The following LOXHD1 variants were observed in gnomAD, a reference collection of about 807,000 sequenced individuals.
LOXHD1 encodes lipoxygenase homology PLAT domains 1.
Under a neutral mutation model 248.2 loss-of-function variants are expected in LOXHD1, and 205 were observed. That is an observed-to-expected ratio of 0.83 (90% confidence interval 0.74 to 0.93). LOXHD1 has a LOEUF of 0.93. Among genes scored for constraint, LOXHD1 ranks in the 40% least tolerant of loss-of-function variants. LOXHD1 has a pLI of 0.00. For missense variants in LOXHD1, 2,930 were observed against 2,971.6 expected, an observed-to-expected ratio of 0.99 and a Z score of 0.33; for synonymous variants, 1,113 against 1,162.8, an observed-to-expected ratio of 0.96 and a Z score of 0.87.
chr18:46,588,620 T>C (rs1231227999), intron 12 of LOXHD1, among the ~76,000 whole-genome samples: 2 of 152,176 alleles, frequency 1.3e-5, no homozygotes, highest in Non-Finnish European at 2.9e-5. Flanking sequence ...GCAAAATTTG[T>C]CCCAACTTTC....
chr18:46,550,634 C>T lies in LOXHD1; in HGVS notation c.3351-3576G>A, dbSNP rs193260017. ...CGTGTGATCTGTCAAATCAGTTTTCCACTATAAGGACGATCACAGAAGCAT... is the reference window on the plus strand; with the variant it reads ...CGTGTGATCTGTCAAATCAGTTTTCTACTATAAGGACGATCACAGAAGCAT... On this transcript the variant is annotated intron_variant, in intron 21 of 40. Transcript: ENST00000642948. Among the ~76,000 whole-genome samples the T allele has an allele frequency of 3.4e-4, 50 of 146,750 alleles. 1 individual carries two copies. The highest frequency in any genetic ancestry group is 1.3e-3 in the South Asian group (6 of 4,446).
intron 18 of LOXHD1, among the ~76,000 whole-genome samples, chr18:46,562,322 A>G (rs984421952): frequency 6.6e-6 from 1 of 152,220 alleles, no homozygotes; most frequent in Non-Finnish European, 1.5e-5. Context: ...TGGCATGCAG[A>G]AACACAAGGC....
At chr18:46,590,422 C>T (rs328150) in intron 12 of LOXHD1, among the ~76,000 whole-genome samples, 120,784 of 152,032 alleles carry the variant, frequency 0.79, 48,513 homozygotes, top group Non-Finnish European at 0.86. Context: ...AATCTAAAAT[C>T]GTGAGAGTTA....
At chr18:46,515,458 C>A (rs930933001) in intron 34 of LOXHD1, among the ~76,000 whole-genome samples, 3 of 151,686 alleles carry the variant, frequency 2.0e-5, no homozygotes, top group African/African-American at 4.9e-5. Flanking sequence ...CAAAATAAAT[C>A]TTTATTCAGA....
intron 12 of LOXHD1, among the ~76,000 whole-genome samples, chr18:46,581,175 C>T (rs1314497499): frequency 1.3e-5 from 2 of 152,116 alleles, no homozygotes; most frequent in Non-Finnish European, 2.9e-5. Flanking sequence ...AGAATAATTA[C>T]AGTAGTCTAG....
At chr18:46,498,996 G>A (rs61257029) in intron 37 of LOXHD1, among the ~76,000 whole-genome samples, 53,079 of 151,984 alleles carry the variant, frequency 0.35, 10,645 homozygotes, top group East Asian at 0.61. Context: ...TTCTGGACCC[G>A]TCTATTTAGG....
At chr18:46,579,989 G>A (rs1256308189) in intron 12 of LOXHD1, among the ~76,000 whole-genome samples, 1 of 152,172 alleles carries the variant, frequency 6.6e-6, no homozygotes, top group Non-Finnish European at 1.5e-5. Context: ...CTAGGCCCTT[G>A]GTCATTATAG....
chr18:46,551,085 AAATTT>A (rs1266187797), intron 21 of LOXHD1, among the ~76,000 whole-genome samples: 1 of 151,354 alleles, frequency 6.6e-6, no homozygotes, highest in African/African-American at 2.4e-5. Context: ...GATAACTCCT[AAATTT>A]CTTTTCTTTT....
chr18:46,556,140 A>T (rs1290739041), intron 21 of LOXHD1, among the ~76,000 whole-genome samples: 1 of 151,816 alleles, frequency 6.6e-6, no homozygotes, highest in Non-Finnish European at 1.5e-5. Flanking sequence ...TGACACAGCC[A>T]TGCCCAATCA....
In LOXHD1 at chr18:46,577,850, G is replaced by A. The variant is rs774019206; in HGVS notation, c.1827C>T (p.Ile609=). 79 of 1,551,510 alleles carry A rather than the reference G, an allele frequency of 5.1e-5. No individual in the cohort carries two copies. Among genetic ancestry groups the A allele is most frequent in the Admixed American group, 1.2e-4 (6 of 50,968 alleles). ...FEKGNADEFT[I]ESVTMRNVRR... is the part of the protein sequence containing the mutation. ...TCACATTCCGCATGGTGACAGACTC[G>A]ATAGTGAACTCGTCAGCCTTGTGGG... The change falls in exon 14 of 41, where the codon ATC becomes ATT. Residue 609 remains isoleucine (I), a synonymous_variant. Coordinates refer to ENST00000642948, the MANE Select transcript of LOXHD1 (RefSeq NM_001384474.1).
intron 37 of LOXHD1, among the ~76,000 whole-genome samples, chr18:46,497,374 T>C (rs1424905037): frequency 6.6e-6 from 1 of 152,074 alleles, no homozygotes; most frequent in African/African-American, 2.4e-5. Context: ...CGTGAGGAGA[T>C]GGAAGGAATT....
chr18:46,610,293 C>T (rs2038485954), intron 6 of LOXHD1, among the ~76,000 whole-genome samples: 1 of 151,610 alleles, frequency 6.6e-6, no homozygotes, highest in African/African-American at 2.4e-5. Context: ...AGCAAACTAT[C>T]ACAAGGGCAG....
chr18:46,508,477 A>G (rs2034729265), intron 35 of LOXHD1, among the ~76,000 whole-genome samples: 1 of 152,120 alleles, frequency 6.6e-6, no homozygotes, highest in Admixed American at 6.5e-5. Context: ...AAGCCAGAAG[A>G]GTGGCCCAGA....
Position 46,644,535 on chromosome 18 carries a change from T to C in LOXHD1, c.246-2499A>G, listed in dbSNP as rs535447864. Among the ~76,000 whole-genome samples the C allele has an allele frequency of 5.9e-5, 9 of 152,198 alleles. 1 individual carries two copies. The South Asian group carries it at 6.2e-4, about 11-fold the overall frequency. Reference sequence around the variant, plus strand: ...GAATTGAAGACCAGCCTGGCCAACATAGCAAGAGATAGCTCTACAAAAAAA... The same window carrying C: ...GAATTGAAGACCAGCCTGGCCAACACAGCAAGAGATAGCTCTACAAAAAAA... On this transcript the variant is annotated intron_variant, in intron 2 of 40. Transcript: ENST00000642948.
chr18:46,506,116 C>A, intron 36 of LOXHD1, 93 bp from the exon 37 acceptor site: 1 of 1,372,686 alleles, frequency 7.3e-7, no homozygotes. Flanking sequence ...TCAGAGGAGT[C>A]AGGGGTACAG....
intron 5 of LOXHD1, among the ~76,000 whole-genome samples, chr18:46,616,848 T>C (rs977789594): frequency 6.6e-6 from 1 of 152,242 alleles, no homozygotes; most frequent in Non-Finnish European, 1.5e-5. Context: ...ATTGTTTTTA[T>C]AGAAAGTAAT....
At chr18:46,622,597 G>A (rs2038683892) in intron 4 of LOXHD1, among the ~76,000 whole-genome samples, 1 of 152,186 alleles carries the variant, frequency 6.6e-6, no homozygotes, top group Non-Finnish European at 1.5e-5. Flanking sequence ...CTGGACCAGG[G>A]TGGTCAGCTG....
rs528385976 is a variant in LOXHD1 at position 46,623,417 on chromosome 18, G to C, written c.512-5127C>G. ...TGAAGAATATACAATGAGGGTTGTAGACCAGGGATTAAGCTAAACACATGG... is the reference window on the plus strand; with the variant it reads ...TGAAGAATATACAATGAGGGTTGTACACCAGGGATTAAGCTAAACACATGG... On this transcript the variant is annotated intron_variant, in intron 4 of 40. Transcript: ENST00000642948. Among the ~76,000 whole-genome samples the C allele has an allele frequency of 3.3e-5, 5 of 152,336 alleles. No individual in the cohort carries two copies. The East Asian group carries it at 5.8e-4, about 18-fold the overall frequency.
chr18:46,579,187 G>T (rs978691278), intron 13 of LOXHD1, among the ~76,000 whole-genome samples: 1 of 152,222 alleles, frequency 6.6e-6, no homozygotes, highest in Non-Finnish European at 1.5e-5. Context: ...GCTTTCTCCA[G>T]CCCAGGTCCT....
Sources: allele counts gnomAD v4.1 joint callset (sites outside exome capture counted in the v4.1 genomes callset), GRCh38; gene constraint gnomAD v4.1.1; transcripts MANE v1.5; gene names NCBI Gene and HGNC (gene_info 2026-07-23, HGNC 2026-07-21).